The following CACNA1B variants were observed in gnomAD, a reference collection of about 807,000 sequenced individuals.
CACNA1B encodes the protein voltage-dependent N-type calcium channel subunit alpha-1B.
Under a neutral mutation model 247.2 loss-of-function variants are expected in CACNA1B, and 70 were observed. The ratio of observed to expected loss-of-function variants is 0.28; its 90% CI spans 0.23 to 0.35. CACNA1B has a LOEUF of 0.35. Among genes scored for constraint, CACNA1B ranks in the 10% least tolerant of loss-of-function variants. The pLI is 1.00. For synonymous variants in CACNA1B, 1,231 were observed against 1,294.4 expected (o/e 0.95, Z 1.05); for missense variants, 2,367 against 3,197.4 (o/e 0.74, Z 6.26).
rs879663322 is a variant in CACNA1B, at chr9:137,954,208, G to A, written c.1071-1490G>A. Reference sequence around the variant, plus strand: ...GCCAGGGGCTGGCACCCCCCATGTGGGTCCTGCACCCCGGGGTGGCAGTGG... The same window carrying A: ...GCCAGGGGCTGGCACCCCCCATGTGAGTCCTGCACCCCGGGGTGGCAGTGG... On this transcript the variant is annotated intron_variant, in intron 7 of 46. Transcript: ENST00000371372. The surrounding 1 kb of genome is among the most constrained non-coding windows in gnomAD (Gnocchi z 4.1). Among the ~76,000 whole-genome samples, 26 of 152,312 alleles carry A rather than the reference G, an allele frequency of 1.7e-4. No individual in the cohort carries two copies. Among genetic ancestry groups the A allele is most frequent in the Middle Eastern group, 3.4e-3 (1 of 294 alleles).
rs1957429031 is a variant in CACNA1B, at chr9:137,917,787, C to A, written c.966+356C>A. ...ACTGCTAGCTGCTCTGGGTTAGGCCCTCTGGGAAGTGTTTTATTCCTGTTG... is the reference window on the plus strand; with the variant it reads ...ACTGCTAGCTGCTCTGGGTTAGGCCATCTGGGAAGTGTTTTATTCCTGTTG... On this transcript the variant is annotated intron_variant, in intron 6 of 46. Transcript: ENST00000371372. The surrounding 1 kb of genome is among the most constrained non-coding windows in gnomAD (Gnocchi z 5.5). Among the ~76,000 whole-genome samples the A allele has an allele frequency of 6.6e-6, 1 of 152,234 alleles. No individual in the cohort carries two copies. Among genetic ancestry groups the A allele is most frequent in the Non-Finnish European group, 1.5e-5 (1 of 68,048 alleles).
At chr9:137,885,376 G>C (rs1230317660) in intron 3 of CACNA1B, among the ~76,000 whole-genome samples, 27 of 152,312 alleles carry the variant, frequency 1.8e-4, no homozygotes, top group African/African-American at 6.5e-4. Flanking sequence ...CTGGTCCATG[G>C]GGAGCCCAGG....
chr9:138,002,139 A>G (rs936109969), intron 15 of CACNA1B, among the ~76,000 whole-genome samples: 1 of 152,234 alleles, frequency 6.6e-6, no homozygotes, highest in Non-Finnish European at 1.5e-5. Context: ...AAGCTATGGT[A>G]ATGAAAATAG....
At chr9:138,015,500 C>T (rs1305021412) in intron 18 of CACNA1B, among the ~76,000 whole-genome samples, 1 of 147,328 alleles carries the variant, frequency 6.8e-6, no homozygotes, top group East Asian at 1.9e-4. Flanking sequence ...GCCTCCTGCC[C>T]TGCTCTCATT....
At position 138,050,926 on chromosome 9, in the gene CACNA1B, G is replaced by A. The variant is rs1959252840; in HGVS notation, c.3711-1166G>A. Among the ~76,000 whole-genome samples the A allele has an allele frequency of 1.3e-5, 2 of 152,108 alleles. No individual in the cohort carries two copies. The highest frequency in any genetic ancestry group is 1.9e-4 in the East Asian group (1 of 5,178). ...AGAAGGGGACCAGGGTGCCTGAGAC[G>A]TGTAGCTCACTCTCCCTGCTCAGCC... is the stretch of plus-strand genomic sequence containing the variant. On this transcript the variant is annotated intron_variant, in intron 24 of 46. Transcript: ENST00000371372. This position sits in a 1 kb window ranked among gnomAD's most constrained non-coding sequence, Gnocchi z 5.2.
rs950802092 is a variant in CACNA1B, at chr9:138,054,594, C to G, written c.3968+588C>G. ...AATATCATGCAGCTTCCTCCTGTGC[C>G]GTGTGACTGATGGGCACTTGGCTGT... On this transcript the variant is annotated intron_variant, in intron 26 of 46. Coordinates refer to ENST00000371372, the MANE Select transcript of CACNA1B (RefSeq NM_000718.4). This position sits in a 1 kb window ranked among gnomAD's most constrained non-coding sequence, Gnocchi z 4.6. Among the ~76,000 whole-genome samples the G allele has an allele frequency of 6.6e-6, 1 of 152,226 alleles. No individual in the cohort carries two copies. Among genetic ancestry groups the G allele is most frequent in the Admixed American group, 6.5e-5 (1 of 15,284 alleles).
In CACNA1B at chr9:138,043,038, A is replaced by G. The variant is rs149315326; in HGVS notation, c.3287-736A>G. On this transcript the variant is annotated intron_variant, in intron 20 of 46. Coordinates refer to ENST00000371372, the MANE Select transcript of CACNA1B (RefSeq NM_000718.4). ...GAAATATACAATAGGATAGTTGAAA[A>G]TGAAGAATTATTGTGAGAAAAACAC... Among the ~76,000 whole-genome samples the G allele has an allele frequency of 3.3e-3, 504 of 152,296 alleles. 5 individuals are homozygous for G. Among genetic ancestry groups the G allele is most frequent in the African/African-American group, 0.012 (489 of 41,562 alleles).
Position 138,058,775 on chromosome 9 carries a change from G to A in CACNA1B, c.4473+42G>A. 1.3e-6 allele frequency: 2 copies of A among 1,551,496 alleles called. No homozygotes were observed. The highest frequency in any genetic ancestry group is 1.8e-6 in the Non-Finnish European group (2 of 1,142,470). ...GCAGAGGGGCAGCTGGCGCTGCTAG[G>A]GATTGGGATCTAACCCTGAGGCTGA... On this transcript the variant is annotated intron_variant, in intron 29 of 46. Transcript: ENST00000371372. This position sits in a 1 kb window ranked among gnomAD's most constrained non-coding sequence, Gnocchi z 4.7.
chr9:138,023,797 G>A lies in CACNA1B; in HGVS notation c.3054G>A (p.Arg1018=). ...AAGCCGACAAGGAAAAGGAGCTCCG[G>A]AACCACCAGCCCCGGTGAGTCCGCG... ...IVEADKEKEL[R]NHQPREPHCD... The change falls in exon 19 of 47, where the codon CGG becomes CGA. Residue 1018 remains arginine (R), a synonymous_variant. Coordinates refer to ENST00000371372, the MANE Select transcript of CACNA1B (RefSeq NM_000718.4). The A allele has an allele frequency of 7.0e-7, 1 of 1,430,286 alleles. No homozygotes were observed. The highest frequency in any genetic ancestry group is 1.2e-5 in the South Asian group (1 of 81,866). The allele number at this position is 1,430,286 out of a possible 1,614,324, so 88.6% of individuals were successfully genotyped here. A position where few individuals can be genotyped will look rare whatever the true frequency, so the allele number is the denominator to read the frequency against.
chr9:137,991,199 T>C (rs1327635397), intron 15 of CACNA1B, among the ~76,000 whole-genome samples: 1 of 151,882 alleles, frequency 6.6e-6, no homozygotes, highest in Non-Finnish European at 1.5e-5. Context: ...ATGATACAGG[T>C]TATGAAAGGA....
intron 15 of CACNA1B, among the ~76,000 whole-genome samples, chr9:137,996,590 T>C (rs1351996399): frequency 1.3e-5 from 2 of 152,168 alleles, no homozygotes; most frequent in Non-Finnish European, 2.9e-5. Context: ...ATCTCAGAGA[T>C]AATCACTAAA....
intron 6 of CACNA1B, among the ~76,000 whole-genome samples, chr9:137,925,714 A>AATACCGATAAC (rs1350151108): frequency 2.0e-5 from 3 of 151,978 alleles, no homozygotes; most frequent in Middle Eastern, 3.4e-3. Flanking sequence ...ATTGTGCTAA[A>AATACCGATAAC]ATACCGATAA....
rs1347625411 is a variant in CACNA1B at position 138,013,272 on chromosome 9, G to A, written c.2267+37G>A. ...AGGAGTGGATTGTGGGGTGGCAGTG[G>A]GGCTGCTGCAGGGTCCCATGGCTGG... On this transcript the variant is annotated intron_variant, in intron 18 of 46. Transcript: ENST00000371372. 4 of 1,485,976 alleles carry A rather than the reference G, an allele frequency of 2.7e-6. No individual in the cohort carries two copies. The South Asian group carries it at 3.9e-5, about 14-fold the overall frequency. 92.0% of individuals were successfully genotyped at this position (1,485,976 alleles called of 1,614,324 possible).
At chr9:138,017,418 C>T (rs1462544558) in intron 18 of CACNA1B, among the ~76,000 whole-genome samples, 1 of 152,256 alleles carries the variant, frequency 6.6e-6, no homozygotes, top group Non-Finnish European at 1.5e-5. Context: ...TCAGCGCCTC[C>T]TCCTTTCCCT....
chr9:138,028,724 A>T (rs1351888164), intron 20 of CACNA1B, among the ~76,000 whole-genome samples: 1 of 152,178 alleles, frequency 6.6e-6, no homozygotes, highest in Non-Finnish European at 1.5e-5. Context: ...CAGGTGCTTA[A>T]TCAAGTCCCT....
At chr9:137,964,624 TTGG>T in intron 10 of CACNA1B, among the ~76,000 whole-genome samples, 1 of 152,346 alleles carries the variant, frequency 6.6e-6, no homozygotes, top group East Asian at 1.9e-4. Flanking sequence ...CTTCTTTGCA[TTGG>T]GTTACCACAT....
At chr9:138,053,779 C>T in intron 25 of CACNA1B, 67 bp from the exon 26 acceptor site, 1 of 1,268,912 alleles carries the variant, frequency 7.9e-7, no homozygotes, top group Non-Finnish European at 1.1e-6. Flanking sequence ...CTACCCTTCC[C>T]CCTCATGGCC....
chr9:138,120,181 G>A lies in CACNA1B; in HGVS notation c.6047G>A (p.Ser2016Asn), dbSNP rs1962032344. The A allele has an allele frequency of 3.7e-6, 6 of 1,604,886 alleles. No homozygotes were observed. The highest frequency in any genetic ancestry group is 5.1e-6 in the Non-Finnish European group (6 of 1,176,756). ...TGCCCACAGCCCGTCACAGATGCCA[G>A]CCCCATGAAGCGCTCCATCTCCACG... ...AAETQPVTDA[S>N]PMKRSISTLA... Residue 2016 changes from serine to asparagine, a missense_variant, in exon 45 of 47, where the codon AGC becomes AAC. By Grantham distance (46) the Ser-to-Asn change is conservative. Coordinates refer to ENST00000371372, the MANE Select transcript of CACNA1B (RefSeq NM_000718.4).
At chr9:138,104,178 C>G (rs111253340) in intron 38 of CACNA1B, among the ~76,000 whole-genome samples, 55 of 152,370 alleles carry the variant, frequency 3.6e-4, no homozygotes, top group African/African-American at 1.3e-3. Flanking sequence ...GCCCAGAGCA[C>G]TGCACCTTGG....
Sources: gnomAD v4.1 joint callset for allele counts (sites outside exome capture counted in the v4.1 genomes callset) on GRCh38, gnomAD v4.1.1 for gene constraint, Gnocchi (gnomAD v3.1) non-coding constraint, MANE v1.5 for transcripts, NCBI Gene and HGNC (gene_info 2026-07-23, HGNC 2026-07-21) for gene names.